Variants in KIF13B observed in about 807,000 individuals in gnomAD.
KIF13B encodes kinesin-like protein KIF13B.
KIF13B carries 127 observed loss-of-function variants against 222.0 expected under a neutral mutation model. The ratio of observed to expected loss-of-function variants is 0.57; its 90% CI spans 0.50 to 0.66. The LOEUF (loss-of-function observed/expected upper bound fraction) is 0.66, where lower values mean the gene tolerates loss of function less well. KIF13B is among the 30% of genes least tolerant of loss of function. The pLI, the probability that KIF13B is intolerant of heterozygous loss-of-function variation, is 0.00. For synonymous variants in KIF13B, 976 were observed against 919.0 expected, an observed-to-expected ratio of 1.06 and a Z score of -1.12; for missense variants, 2,173 against 2,379.0, an observed-to-expected ratio of 0.91 and a Z score of 1.80.
intron 2 of KIF13B, among the ~76,000 whole-genome samples, chr8:29,203,365 T>C (rs1813783828): frequency 1.3e-5 from 2 of 152,202 alleles, no homozygotes; most frequent in Admixed American, 1.3e-4. Context: ...TTTATTAAAC[T>C]TCACTTATTC....
intron 37 of KIF13B, among the ~76,000 whole-genome samples, chr8:29,085,705 C>CTTTTTTTTTTTT (rs71222589): frequency 2.1e-5 from 1 of 48,722 alleles, no homozygotes; most frequent in African/African-American, 7.7e-5. Context: ...AAATACTCTT[C>CTTTTTTTTTTTT]TTTTTTTTTT....
rs1341648641 is a variant in KIF13B, at chr8:29,186,482, T to A, written c.317-10A>T. ...TAAGATTTTCCAGAGCCTAAAAAAA[T>A]GGAAATCAGAGTTACTATTGTCTCT... is the stretch of plus-strand genomic sequence containing the variant. On this transcript the variant is annotated splice_polypyrimidine_tract_variant and intron_variant, in intron 5 of 39. Transcript: ENST00000524189. The A allele has an allele frequency of 3.1e-6, 5 of 1,596,458 alleles. No individual in the cohort carries two copies. The highest frequency in any genetic ancestry group is 4.3e-6 in the Non-Finnish European group (5 of 1,174,346).
intron 18 of KIF13B, among the ~76,000 whole-genome samples, chr8:29,143,291 G>A (rs946536150): frequency 4.6e-5 from 7 of 152,150 alleles, no homozygotes; most frequent in Non-Finnish European, 7.3e-5. Flanking sequence ...AGTTTGCTGC[G>A]GTGTATGGGG....
At chr8:29,163,109 A>T (rs549713629) in intron 12 of KIF13B, among the ~76,000 whole-genome samples, 1 of 152,380 alleles carries the variant, frequency 6.6e-6, no homozygotes, top group South Asian at 2.1e-4. Flanking sequence ...AACATAAAAG[A>T]TAAAAATAAG....
In KIF13B at chr8:29,216,195, G is replaced by A. The variant is rs570084246; in HGVS notation, c.150-19996C>T. Reference sequence around the variant, plus strand: ...TTTAATACACCAACCCTACAAGGTAGGTCTTATCCTCTCCACTTTGTAGAG... The same window carrying A: ...TTTAATACACCAACCCTACAAGGTAAGTCTTATCCTCTCCACTTTGTAGAG... On this transcript the variant is annotated intron_variant, in intron 2 of 39. Coordinates refer to ENST00000524189, the MANE Select transcript of KIF13B (RefSeq NM_015254.4). 1.2e-4 allele frequency among the ~76,000 whole-genome samples: 18 copies of A among 152,248 alleles called. No homozygotes were observed. In the South Asian group the frequency reaches 3.5e-3, roughly 30 times the overall value.
chr8:29,104,033 G>A (rs906664668), intron 35 of KIF13B, among the ~76,000 whole-genome samples: 3 of 152,018 alleles, frequency 2.0e-5, no homozygotes, highest in Non-Finnish European at 4.4e-5. Flanking sequence ...GCATGTGGAT[G>A]GAGTCCTTCC....
intron 22 of KIF13B, among the ~76,000 whole-genome samples, chr8:29,133,163 C>T (rs745971331): frequency 3.3e-5 from 5 of 152,212 alleles, no homozygotes; most frequent in Non-Finnish European, 7.3e-5. Context: ...GCAAGAAAGA[C>T]TTGGGGACCC....
intron 18 of KIF13B, among the ~76,000 whole-genome samples, chr8:29,143,290 C>T (rs1046994598): frequency 3.9e-5 from 6 of 152,150 alleles, no homozygotes; most frequent in East Asian, 1.9e-4. Flanking sequence ...AAGTTTGCTG[C>T]GGTGTATGGG....
chr8:29,188,085 C>T (rs1813020134), intron 5 of KIF13B, among the ~76,000 whole-genome samples: 1 of 152,102 alleles, frequency 6.6e-6, no homozygotes, highest in Admixed American at 6.5e-5. Flanking sequence ...ACAAAAGTAA[C>T]TAGTTCACTT....
intron 2 of KIF13B, among the ~76,000 whole-genome samples, chr8:29,244,759 A>G (rs943010204): frequency 1.3e-5 from 2 of 152,144 alleles, no homozygotes; most frequent in Non-Finnish European, 2.9e-5. Flanking sequence ...TTTTGTTCAT[A>G]CTACCATACA....
At chr8:29,210,159 T>C (rs1428215746) in intron 2 of KIF13B, among the ~76,000 whole-genome samples, 1 of 151,916 alleles carries the variant, frequency 6.6e-6, no homozygotes, top group African/African-American at 2.4e-5. Flanking sequence ...ATGGGAAATA[T>C]AATTAAAGAC....
At chr8:29,155,916 C>T (rs1375541927) in intron 13 of KIF13B, 60 bp from the exon 14 acceptor site, 5 of 1,323,062 alleles carry the variant, frequency 3.8e-6, no homozygotes. Flanking sequence ...CAATTGAAAT[C>T]ATTTACACTG....
chr8:29,088,033 T>C (rs1808124363), intron 37 of KIF13B, among the ~76,000 whole-genome samples: 1 of 152,172 alleles, frequency 6.6e-6, no homozygotes, highest in African/African-American at 2.4e-5. Flanking sequence ...TTTGGGAGGC[T>C]GACGCAGGCG....
chr8:29,075,836 G>A (rs578038068), intron 37 of KIF13B, among the ~76,000 whole-genome samples: 3 of 152,304 alleles, frequency 2.0e-5, no homozygotes, highest in Non-Finnish European at 2.9e-5. Context: ...CCTGGGCATC[G>A]GAAACTAACC....
At chr8:29,176,277 C>A (rs1027570242) in intron 9 of KIF13B, 98 bp from the exon 10 acceptor site, 2 of 703,640 alleles carry the variant, frequency 2.8e-6, no homozygotes, top group Non-Finnish European at 4.9e-6. Context: ...CTTGTACCTG[C>A]ATGTGAGCAG....
At chr8:29,144,474 T>C (rs907032666) in intron 18 of KIF13B, among the ~76,000 whole-genome samples, 2 of 152,092 alleles carry the variant, frequency 1.3e-5, no homozygotes, top group African/African-American at 2.4e-5. Context: ...GCCAGGCTGG[T>C]CTCGAACTCC....
chr8:29,239,190 G>T (rs1027611509), intron 2 of KIF13B, among the ~76,000 whole-genome samples: 1 of 152,184 alleles, frequency 6.6e-6, no homozygotes, highest in African/African-American at 2.4e-5. Flanking sequence ...GAAGAAAATG[G>T]ACTCACACTT....
At chr8:29,180,744 A>C (rs1314974364) in intron 7 of KIF13B, among the ~76,000 whole-genome samples, 1 of 152,164 alleles carries the variant, frequency 6.6e-6, no homozygotes. Flanking sequence ...GCATTGATTT[A>C]CCACTTGGTT....
At chr8:29,196,447 C>A (rs1195743536) in intron 2 of KIF13B, among the ~76,000 whole-genome samples, 1 of 152,146 alleles carries the variant, frequency 6.6e-6, no homozygotes, top group Non-Finnish European at 1.5e-5. Flanking sequence ...GGACTGAGCA[C>A]AGATAATAAT....
Sources: gnomAD v4.1 joint callset for allele counts (sites outside exome capture counted in the v4.1 genomes callset) on GRCh38, gnomAD v4.1.1 for gene constraint, MANE v1.5 for transcripts, NCBI Gene and HGNC (gene_info 2026-07-23, HGNC 2026-07-21) for gene names.